Variants in SPOCK3 observed in about 807,000 individuals in gnomAD.
SPOCK3 encodes the protein SPARC (osteonectin), cwcv and kazal like domains proteoglycan 3.
In SPOCK3, 30 loss-of-function variants were observed where a neutral mutation model predicts 56.6. The ratio of observed to expected loss-of-function variants is 0.53; its 90% CI spans 0.40 to 0.72. SPOCK3 has a LOEUF of 0.72. Ranked by LOEUF, SPOCK3 falls within the 30% of genes least tolerant of loss-of-function variation. The pLI, the probability that SPOCK3 is intolerant of heterozygous loss-of-function variation, is 0.00. For missense variants in SPOCK3, 527 were observed against 530.0 expected (o/e 0.99, Z 0.06); for synonymous variants, 196 against 183.3 (o/e 1.07, Z -0.56).
chr4:166,939,953 CA>C (rs1384307621), intron 4 of SPOCK3, among the ~76,000 whole-genome samples: 1 of 151,844 alleles, frequency 6.6e-6, no homozygotes, highest in Non-Finnish European at 1.5e-5. Context: ...TACTTTTTTC[CA>C]GGTTTTATTT....
chr4:166,937,171 T>C (rs562092578), intron 4 of SPOCK3, among the ~76,000 whole-genome samples: 2 of 152,080 alleles, frequency 1.3e-5, no homozygotes, highest in African/African-American at 4.8e-5. Context: ...AAATAAGCAC[T>C]TGAGAGGCAC....
At chr4:166,822,301 G>A (rs1560895679) in intron 6 of SPOCK3, among the ~76,000 whole-genome samples, 2 of 151,984 alleles carry the variant, frequency 1.3e-5, no homozygotes. Flanking sequence ...TAATCTCACT[G>A]TCTCTTAATT....
intron 2 of SPOCK3, 34 bp downstream of exon 2, chr4:167,233,943 AGCGCGCGC>A: frequency 6.4e-7 from 1 of 1,550,666 alleles, no homozygotes; most frequent in African/African-American, 1.4e-5. Flanking sequence ...GCCTCGGAGC[AGCGCGCGC>A]GTGTGCCCGG....
At chr4:167,219,576 C>A (rs1476579049) in intron 2 of SPOCK3, among the ~76,000 whole-genome samples, 1 of 152,018 alleles carries the variant, frequency 6.6e-6, no homozygotes, top group African/African-American at 2.4e-5. Context: ...CTTTCTCATT[C>A]CTGTTAAATG....
At chr4:167,021,701 C>A (rs770372876) in intron 3 of SPOCK3, among the ~76,000 whole-genome samples, 3 of 151,850 alleles carry the variant, frequency 2.0e-5, no homozygotes, top group Non-Finnish European at 2.9e-5. Context: ...GGAGCCAGAA[C>A]GACCCATATC....
intron 3 of SPOCK3, among the ~76,000 whole-genome samples, chr4:167,048,903 G>A (rs1190893718): frequency 6.6e-6 from 1 of 152,090 alleles, no homozygotes; most frequent in African/African-American, 2.4e-5. Context: ...TTATGTAAAA[G>A]TGCTTGTTTA....
intron 2 of SPOCK3, among the ~76,000 whole-genome samples, chr4:167,082,305 T>C (rs973551723): frequency 6.6e-6 from 1 of 152,110 alleles, no homozygotes; most frequent in Admixed American, 6.6e-5. Flanking sequence ...ACCCCTTGTG[T>C]GATCTGTTTG....
chr4:167,000,465 T>C lies in SPOCK3; in HGVS notation c.236-2A>G. On this transcript the variant is annotated splice_acceptor_variant, in intron 3 of 10. Transcript: ENST00000357545. LOFTEE classifies it high-confidence loss of function. ...ATGGATCCTTAGCTGGATCTAAAGCTAAAAAAATTGCAAAGAAAATATTAA... is the reference window on the plus strand; with the variant it reads ...ATGGATCCTTAGCTGGATCTAAAGCCAAAAAAATTGCAAAGAAAATATTAA... 6.7e-7 allele frequency: 1 copy of C among 1,498,326 alleles called. No homozygotes were observed. The highest frequency in any genetic ancestry group is 9.1e-7 in the Non-Finnish European group (1 of 1,093,998). The allele number at this position is 1,498,326 out of a possible 1,614,324, so 92.8% of individuals were successfully genotyped here.
intron 2 of SPOCK3, among the ~76,000 whole-genome samples, chr4:167,120,760 T>C (rs1761796746): frequency 6.6e-6 from 1 of 150,540 alleles, no homozygotes; most frequent in African/African-American, 2.4e-5. Flanking sequence ...AAGTGCATTT[T>C]TAAAAAGTTT....
chr4:166,973,147 T>C (rs13101560), intron 4 of SPOCK3, among the ~76,000 whole-genome samples: 39,370 of 151,804 alleles, frequency 0.26, 5,298 homozygotes, highest in African/African-American at 0.32. Context: ...ATGAAATCTG[T>C]TGCTTTAAAA....
At chr4:167,136,738 A>T (rs1304879103) in intron 2 of SPOCK3, among the ~76,000 whole-genome samples, 2 of 152,170 alleles carry the variant, frequency 1.3e-5, no homozygotes, top group African/African-American at 2.4e-5. Context: ...GTGTTTACTC[A>T]TATTAACAAA....
intron 2 of SPOCK3, among the ~76,000 whole-genome samples, chr4:167,206,505 A>C (rs1734350019): frequency 6.6e-6 from 1 of 152,072 alleles, no homozygotes; most frequent in Non-Finnish European, 1.5e-5. Context: ...TAAAAAATAA[A>C]ACTATTATGT....
chr4:166,763,024 A>C (rs1379188866), intron 7 of SPOCK3, among the ~76,000 whole-genome samples: 6 of 152,136 alleles, frequency 3.9e-5, no homozygotes, highest in African/African-American at 1.4e-4. Flanking sequence ...GAATTTGATA[A>C]CAATTACAAA....
At position 167,160,730 on chromosome 4, in the gene SPOCK3, A is replaced by C. The variant is rs1184197027; in HGVS notation, c.189+73255T>G. On this transcript the variant is annotated intron_variant, in intron 2 of 10. Transcript: ENST00000357545. Reference sequence around the variant, plus strand: ...GGAACAGAACAGAGCCCTCAGAAATAATGCCACATAGCTACAACTATCTGA... The same window carrying C: ...GGAACAGAACAGAGCCCTCAGAAATCATGCCACATAGCTACAACTATCTGA... 7.9e-5 allele frequency among the ~76,000 whole-genome samples: 12 copies of C among 152,286 alleles called. No individual in the cohort carries two copies. In the South Asian group the frequency reaches 1.4e-3, roughly 18 times the overall value.
At chr4:167,018,786 G>A (rs1750893717) in intron 3 of SPOCK3, among the ~76,000 whole-genome samples, 1 of 151,870 alleles carries the variant, frequency 6.6e-6, no homozygotes, top group Non-Finnish European at 1.5e-5. Context: ...CTTCATGTTG[G>A]CTTCTATCAG....
chr4:166,754,100 T>G (rs1736756903), intron 8 of SPOCK3: 1 of 970,632 alleles, frequency 1.0e-6, no homozygotes, highest in South Asian at 4.8e-5. Flanking sequence ...TTCAACTCAT[T>G]TAATAAGATC....
chr4:166,893,429 A>T (rs975936669), intron 5 of SPOCK3, among the ~76,000 whole-genome samples: 3 of 152,192 alleles, frequency 2.0e-5, no homozygotes, highest in Non-Finnish European at 4.4e-5. Flanking sequence ...GCGAGAAAAG[A>T]TACAGTTGAC....
At chr4:167,117,030 C>A (rs1761485381) in intron 2 of SPOCK3, among the ~76,000 whole-genome samples, 1 of 148,846 alleles carries the variant, frequency 6.7e-6, no homozygotes, top group Non-Finnish European at 1.5e-5. Flanking sequence ...CAGAAATGAC[C>A]AATGGTTGCC....
chr4:166,739,704 C>CTT lies in SPOCK3; in HGVS notation c.995-2102_995-2101dup, dbSNP rs71604444. ...AAGAATATTTTCTTTTATTTTCTGA[C>CTT]TTTTTTTTTTTCTGTGACCAGAAGC... is the stretch of plus-strand genomic sequence containing the variant. On this transcript the variant is annotated intron_variant, in intron 9 of 10. Coordinates refer to ENST00000357545, the MANE Select transcript of SPOCK3 (RefSeq NM_001040159.2). Among the ~76,000 whole-genome samples the CTT allele has an allele frequency of 2.8e-3, 407 of 147,328 alleles. 11 individuals carry two copies. In the East Asian group the frequency reaches 0.05, roughly 18 times the overall value.
Sources: allele counts gnomAD v4.1 joint callset (sites outside exome capture counted in the v4.1 genomes callset), GRCh38; gene constraint gnomAD v4.1.1; transcripts MANE v1.5; gene names NCBI Gene and HGNC (gene_info 2026-07-23, HGNC 2026-07-21).